Variants in CMIP observed in about 807,000 individuals in gnomAD.
CMIP encodes the protein C-Maf-inducing protein.
Under a neutral mutation model 97.3 loss-of-function variants are expected in CMIP, and 13 were observed. The observed-to-expected ratio is 0.13, with a 90% CI of 0.09 to 0.21. The LOEUF is 0.21. CMIP is among the 10% of genes least tolerant of loss of function. The pLI, the probability that CMIP is intolerant of heterozygous loss-of-function variation, is 1.00. For synonymous variants in CMIP, 538 were observed against 436.3 expected, an observed-to-expected ratio of 1.23 and a Z score of -2.91; for missense variants, 847 against 1,024.9, an observed-to-expected ratio of 0.83 and a Z score of 2.37.
intron 1 of CMIP, among the ~76,000 whole-genome samples, chr16:81,486,560 C>G (rs965716537): frequency 3.3e-5 from 5 of 152,220 alleles, no homozygotes; most frequent in African/African-American, 1.2e-4. Context: ...CAGTGACTCT[C>G]CAAGCAGACC....
intron 1 of CMIP, among the ~76,000 whole-genome samples, chr16:81,602,262 G>A (rs1025542920): frequency 7.2e-5 from 11 of 152,046 alleles, no homozygotes; most frequent in East Asian, 1.9e-4. Flanking sequence ...AAAAAAAGGC[G>A]TTACAAAATT....
chr16:81,669,509 A>T (rs1379852444), intron 7 of CMIP, among the ~76,000 whole-genome samples: 51 of 99,924 alleles, frequency 5.1e-4, no homozygotes, highest in African/African-American at 2.1e-3. Flanking sequence ...CATCCACCTC[A>T]CACCTCCACA....
At position 81,597,597 on chromosome 16, in the gene CMIP, G is replaced by T. The variant is rs1049515678; in HGVS notation, c.301-9970G>T. Among the ~76,000 whole-genome samples the T allele has an allele frequency of 3.5e-3, 515 of 147,410 alleles. 8 individuals carry two copies. The highest frequency in any genetic ancestry group is 0.012 in the African/African-American group (461 of 38,332). ...GTGGGAGGTGAGCGAGGGGAGCGGG[G>T]GGGGGGGAGTCTCCCAGCCTGGAAG... On this transcript the variant is annotated intron_variant, in intron 1 of 20. Transcript: ENST00000537098.
At chr16:81,708,210 A>G (rs1439598825) in intron 20 of CMIP, among the ~76,000 whole-genome samples, 5 of 152,224 alleles carry the variant, frequency 3.3e-5, no homozygotes, top group Non-Finnish European at 7.4e-5. Flanking sequence ...CGTATGGGAC[A>G]CAGAAGGTGG....
intron 14 of CMIP, among the ~76,000 whole-genome samples, chr16:81,699,411 C>T (rs1907131250): frequency 6.6e-6 from 1 of 152,166 alleles, no homozygotes; most frequent in Admixed American, 6.6e-5. Context: ...TACTAAAAGG[C>T]AAAAGACAGA....
chr16:81,658,363 C>T (rs1201769846), intron 5 of CMIP, among the ~76,000 whole-genome samples: 1 of 152,214 alleles, frequency 6.6e-6, no homozygotes, highest in Non-Finnish European at 1.5e-5. Context: ...TGAAATTGCA[C>T]CTGCTAGATG....
At chr16:81,523,824 C>T (rs535682743) in intron 1 of CMIP, among the ~76,000 whole-genome samples, 6 of 152,364 alleles carry the variant, frequency 3.9e-5, no homozygotes, top group Non-Finnish European at 8.8e-5. Flanking sequence ...TCAGACACAG[C>T]TTCCTTTAGC....
chr16:81,543,256 G>A (rs2090481699), intron 1 of CMIP, among the ~76,000 whole-genome samples: 1 of 152,238 alleles, frequency 6.6e-6, no homozygotes, highest in African/African-American at 2.4e-5. Flanking sequence ...ACACCTGTGG[G>A]CCAGCTTCCT....
intron 1 of CMIP, among the ~76,000 whole-genome samples, chr16:81,465,280 A>G (rs1054844209): frequency 1.3e-5 from 2 of 152,194 alleles, no homozygotes; most frequent in Non-Finnish European, 2.9e-5. Context: ...ATGATGCTGT[A>G]CCTGGACAGT....
intron 1 of CMIP, chr16:81,603,458 G>A: frequency 6.6e-6 from 3 of 454,546 alleles, no homozygotes; most frequent in Non-Finnish European, 1.3e-5. Context: ...ATACCCCAGA[G>A]TTCTCACACA....
chr16:81,554,678 T>C (rs1597552130), intron 1 of CMIP, among the ~76,000 whole-genome samples: 1 of 152,186 alleles, frequency 6.6e-6, no homozygotes, highest in African/African-American at 2.4e-5. Flanking sequence ...GGTGCCTTTT[T>C]TCCTGCAGCC....
At chr16:81,666,764 A>G (rs2092607699) in intron 7 of CMIP, 1 of 152,230 alleles carries the variant, frequency 6.6e-6, no homozygotes, top group Non-Finnish European at 1.5e-5. Context: ...ACCGAGGAGG[A>G]TCCGCCTCTC....
At chr16:81,566,994 C>T (rs1322871410) in intron 1 of CMIP, among the ~76,000 whole-genome samples, 1 of 152,208 alleles carries the variant, frequency 6.6e-6, no homozygotes, top group Non-Finnish European at 1.5e-5. Flanking sequence ...CAAGAAGGGA[C>T]ATGAGAGAGC....
chr16:81,534,892 A>G (rs1346857243), intron 1 of CMIP, among the ~76,000 whole-genome samples: 1 of 152,198 alleles, frequency 6.6e-6, no homozygotes, highest in African/African-American at 2.4e-5. Flanking sequence ...TCTGTTAGTT[A>G]CCACTGATAT....
intron 1 of CMIP, among the ~76,000 whole-genome samples, chr16:81,537,243 G>A (rs1032810032): frequency 3.3e-5 from 5 of 152,070 alleles, no homozygotes; most frequent in East Asian, 1.9e-4. Flanking sequence ...GGATAGAAAC[G>A]CCCCATATAG....
At chr16:81,550,682 A>C (rs188389760) in intron 1 of CMIP, among the ~76,000 whole-genome samples, 1 of 152,300 alleles carries the variant, frequency 6.6e-6, no homozygotes, top group African/African-American at 2.4e-5. Flanking sequence ...AGAAACTACT[A>C]GAAGGCTGAA....
chr16:81,521,513 T>A (rs1356514438), intron 1 of CMIP, among the ~76,000 whole-genome samples: 1 of 152,098 alleles, frequency 6.6e-6, no homozygotes, highest in Non-Finnish European at 1.5e-5. Flanking sequence ...AACAATAGCA[T>A]TTCTGCTTCC....
At chr16:81,460,189 C>G (rs1001482760) in intron 1 of CMIP, among the ~76,000 whole-genome samples, 1 of 152,126 alleles carries the variant, frequency 6.6e-6, no homozygotes, top group African/African-American at 2.4e-5. Flanking sequence ...CCTTGGAAAC[C>G]CCACCCTCCA....
At chr16:81,603,253 T>C (rs994355417) in intron 1 of CMIP, among the ~76,000 whole-genome samples, 3 of 152,052 alleles carry the variant, frequency 2.0e-5, no homozygotes, top group African/African-American at 4.8e-5. Flanking sequence ...CTCGTTTTTT[T>C]AGTATTTTTA....
Sources: gnomAD v4.1 joint callset for allele counts (sites outside exome capture counted in the v4.1 genomes callset) on GRCh38, gnomAD v4.1.1 for gene constraint, MANE v1.5 for transcripts, NCBI Gene and HGNC (gene_info 2026-07-23, HGNC 2026-07-21) for gene names.